SIRT5: variants seen among roughly 807,000 people sequenced by gnomAD.
SIRT5 encodes NAD-dependent protein deacylase sirtuin-5, mitochondrial.
A neutral mutation model predicts 40.0 loss-of-function variants in SIRT5; 26 were observed. The ratio of observed to expected loss-of-function variants is 0.65; its 90% confidence interval spans 0.48 to 0.90. SIRT5 has a LOEUF of 0.90. Ranked by LOEUF, SIRT5 falls within the 40% of genes least tolerant of loss-of-function variation. SIRT5 has a pLI of 0.00. For missense variants in SIRT5, 401 were observed against 402.4 expected (o/e 1.00, Z 0.03); for synonymous variants, 146 against 149.1 (o/e 0.98, Z 0.15).
At chr6:13,608,170 A>G (rs1284582882) in intron 9 of SIRT5, among the ~76,000 whole-genome samples, 1 of 152,262 alleles carries the variant, frequency 6.6e-6, no homozygotes, top group Non-Finnish European at 1.5e-5. Context: ...TTTACAAAAT[A>G]AATATACAAG....
intron 3 of SIRT5, among the ~76,000 whole-genome samples, chr6:13,586,781 TG>T (rs1427784752): frequency 6.6e-6 from 1 of 152,198 alleles, no homozygotes; most frequent in Non-Finnish European, 1.5e-5. Flanking sequence ...TGTGTGGCTC[TG>T]GGCTTATGAG....
intron 2 of SIRT5, among the ~76,000 whole-genome samples, chr6:13,580,236 T>A (rs944727117): frequency 6.6e-6 from 1 of 152,228 alleles, no homozygotes; most frequent in Non-Finnish European, 1.5e-5. Flanking sequence ...AGTGTCAATC[T>A]TCTTCTACAG....
At position 13,614,426 on chromosome 6, in the gene SIRT5, G is replaced by C. The variant is rs1764182797; in HGVS notation, c.*2561G>C. 1.3e-5 allele frequency: 2 copies of C among 152,186 alleles called. No homozygotes were observed. Among genetic ancestry groups the C allele is most frequent in the African/African-American group, 4.8e-5 (2 of 41,422 alleles). 9.4% of individuals were successfully genotyped at this position (152,186 alleles called of 1,614,324 possible). ...AAGAGCACGGTCGGTACAAATGCATGGCAGGTGTGAAACAGTTTGATTTGT... is the reference window on the plus strand; with the variant it reads ...AAGAGCACGGTCGGTACAAATGCATCGCAGGTGTGAAACAGTTTGATTTGT... On this transcript the variant is annotated 3_prime_UTR_variant, in exon 10 of 10. Coordinates refer to ENST00000606117, the MANE Select transcript of SIRT5 (RefSeq NM_012241.5).
intron 3 of SIRT5, among the ~76,000 whole-genome samples, chr6:13,587,756 T>C (rs1760269996): frequency 1.3e-5 from 2 of 152,198 alleles, no homozygotes; most frequent in African/African-American, 2.4e-5. Flanking sequence ...CTCATTTGAC[T>C]TGTCAAGAAG....
At position 13,591,679 on chromosome 6, in the gene SIRT5, C is replaced by T. The variant is rs1158097487; in HGVS notation, c.260C>T (p.Thr87Ile). 2 of 1,569,472 alleles carry T rather than the reference C, an allele frequency of 1.3e-6. No homozygotes were observed. Among genetic ancestry groups the T allele is most frequent in the Non-Finnish European group, 1.7e-6 (2 of 1,151,298 alleles). The change falls in exon 5 of 10, where the codon ACT (threonine) becomes ATT (isoleucine). Residue 87 changes from threonine (T) to isoleucine (I), a missense_variant. Physicochemically the swap from Thr to Ile is moderately conservative, Grantham distance 89. Transcript: ENST00000606117. ...WRKWQAQDLA[T>I]PLAFAHNPSR... ...CTCTCCCACTCCCAGGACCTGGCGA[C>T]TCCCCTGGCCTTTGCCCACAACCCG...
rs775367161 is a variant in SIRT5, at chr6:13,611,897, TC to T, written c.*33del. On this transcript the variant is annotated 3_prime_UTR_variant, in exon 10 of 10. Transcript: ENST00000606117. Reference sequence around the variant, plus strand: ...TGGGGAAGAAAGAAATTACAGTATATCTAAGAACTAGGCCACACGCAGAGGA... The same window carrying T: ...TGGGGAAGAAAGAAATTACAGTATATTAAGAACTAGGCCACACGCAGAGGA... 1 of 1,606,038 alleles carries T rather than the reference TC, an allele frequency of 6.2e-7. No homozygotes were observed. The highest frequency in any genetic ancestry group is 1.1e-5 in the South Asian group (1 of 90,944).
At chr6:13,590,364 ATT>A (rs1760694383) in intron 4 of SIRT5, among the ~76,000 whole-genome samples, 1 of 152,188 alleles carries the variant, frequency 6.6e-6, no homozygotes, top group African/African-American at 2.4e-5. Context: ...CCAGAACCAT[ATT>A]TAAAGTGTAT....
At chr6:13,603,271 C>G (rs543685378) in intron 9 of SIRT5, among the ~76,000 whole-genome samples, 1 of 132,074 alleles carries the variant, frequency 7.6e-6, no homozygotes, top group South Asian at 2.4e-4. Flanking sequence ...AGCCAGACTC[C>G]GTCTCAAAAA....
At chr6:13,587,633 G>A (rs1005335133) in intron 3 of SIRT5, among the ~76,000 whole-genome samples, 4 of 152,196 alleles carry the variant, frequency 2.6e-5, no homozygotes, top group African/African-American at 9.7e-5. Flanking sequence ...GTTGCAGGAC[G>A]GGAGGGCAAG....
At chr6:13,585,862 G>A (rs1388882483) in intron 3 of SIRT5, among the ~76,000 whole-genome samples, 1 of 152,128 alleles carries the variant, frequency 6.6e-6, no homozygotes, top group East Asian at 1.9e-4. Context: ...CCCACCAACA[G>A]TGTAAAAGTG....
intron 2 of SIRT5, among the ~76,000 whole-genome samples, chr6:13,581,148 A>G (rs1417685454): frequency 6.6e-6 from 1 of 152,206 alleles, no homozygotes; most frequent in Non-Finnish European, 1.5e-5. Flanking sequence ...TTACATATAC[A>G]GTACTAGTAA....
At chr6:13,585,131 G>A (rs1219055355) in intron 3 of SIRT5, 1 of 152,250 alleles carries the variant, frequency 6.6e-6, no homozygotes, top group Non-Finnish European at 1.5e-5. Flanking sequence ...AGTTCAGGTA[G>A]AGCTTTAGTG....
Position 13,611,905 on chromosome 6 carries a change from C to G in SIRT5, c.*40C>G, listed in dbSNP as rs776378937. 3.2e-6 allele frequency: 5 copies of G among 1,586,708 alleles called. 1 individual carries two copies. In the South Asian group the frequency reaches 5.5e-5, roughly 18 times the overall value. ...AAAGAAATTACAGTATATCTAAGAA[C>G]TAGGCCACACGCAGAGGAGAAATGG... On this transcript the variant is annotated 3_prime_UTR_variant, in exon 10 of 10. Transcript: ENST00000606117.
chr6:13,610,545 T>A (rs1487765297), intron 9 of SIRT5, among the ~76,000 whole-genome samples: 2 of 152,178 alleles, frequency 1.3e-5, no homozygotes, highest in African/African-American at 4.8e-5. Context: ...GAGGTATCAT[T>A]GTAAAATTTG....
intron 9 of SIRT5, among the ~76,000 whole-genome samples, chr6:13,603,537 G>A (rs764240099): frequency 6.6e-6 from 1 of 152,192 alleles, no homozygotes; most frequent in Non-Finnish European, 1.5e-5. Context: ...ACAGCCACAA[G>A]CGTGGCTATA....
chr6:13,608,729 A>G (rs1763443462), intron 9 of SIRT5, among the ~76,000 whole-genome samples: 1 of 152,260 alleles, frequency 6.6e-6, no homozygotes, highest in South Asian at 2.1e-4. Context: ...TCTTCTAGAT[A>G]GAATTATCAC....
At chr6:13,577,282 G>A (rs771240077) in intron 1 of SIRT5, among the ~76,000 whole-genome samples, 12 of 152,100 alleles carry the variant, frequency 7.9e-5, no homozygotes, top group Non-Finnish European at 1.2e-4. Flanking sequence ...TCTAATCCGC[G>A]AACATGGGAT....
intron 4 of SIRT5, among the ~76,000 whole-genome samples, chr6:13,590,550 T>C (rs1325900349): frequency 9.0e-6 from 1 of 110,590 alleles, no homozygotes; most frequent in Non-Finnish European, 2.2e-5. Flanking sequence ...TATGTAGATG[T>C]AATTGTGTGT....
At chr6:13,598,797 G>A (rs1049816724) in intron 7 of SIRT5, among the ~76,000 whole-genome samples, 2 of 143,076 alleles carry the variant, frequency 1.4e-5, no homozygotes, top group Non-Finnish European at 3.0e-5. Context: ...TTGCACTTCC[G>A]CCTGGGCAGC....
Sources: gnomAD v4.1 joint callset for allele counts (sites outside exome capture counted in the v4.1 genomes callset) on GRCh38, gnomAD v4.1.1 for gene constraint, MANE v1.5 for transcripts, NCBI Gene and HGNC (gene_info 2026-07-23, HGNC 2026-07-21) for gene names.